The following NEBL variants were observed in gnomAD, a reference collection of about 807,000 sequenced individuals.
The protein encoded by NEBL is LIM and SH3 protein 2.
In NEBL, 122 loss-of-function variants were observed where a neutral mutation model predicts 140.2. That is an observed-to-expected ratio of 0.87 (90% CI 0.75 to 1.01). NEBL has a LOEUF of 1.01. Among genes scored for constraint, NEBL ranks in the 50% least tolerant of loss-of-function variants. The pLI is 0.00. For synonymous variants in NEBL, 436 were observed against 398.9 expected, an observed-to-expected ratio of 1.09 and a Z score of -1.11; for missense variants, 1,365 against 1,231.3, an observed-to-expected ratio of 1.11 and a Z score of -1.62.
intron 4 of NEBL, among the ~76,000 whole-genome samples, chr10:20,925,959 G>A (rs1027886287): frequency 6.6e-6 from 1 of 152,084 alleles, no homozygotes. Context: ...CTATAGGTGT[G>A]GGCCATTCGT....
chr10:21,030,495 C>T, intron 2 of NEBL: 1 of 801,138 alleles, frequency 1.2e-6, no homozygotes, highest in Admixed American at 1.8e-5. Context: ...ATGCCAGCCC[C>T]TCCACCAAAG....
chr10:21,167,626 T>G (rs1840837255), intron 2 of NEBL, among the ~76,000 whole-genome samples: 1 of 152,184 alleles, frequency 6.6e-6, no homozygotes, highest in Non-Finnish European at 1.5e-5. Flanking sequence ...TAAAAAGACA[T>G]AGTAAATGCA....
chr10:21,207,514 C>A (rs1440363576), intron 3 of NEBL, among the ~76,000 whole-genome samples: 4 of 151,996 alleles, frequency 2.6e-5, no homozygotes. Flanking sequence ...ATTGACTGTG[C>A]ACACACACAC....
chr10:20,859,082 T>C (rs1676263338), intron 8 of NEBL, among the ~76,000 whole-genome samples: 1 of 152,170 alleles, frequency 6.6e-6, no homozygotes, highest in African/African-American at 2.4e-5. Context: ...ACATAATTTT[T>C]ATACTTGAGA....
At chr10:20,876,442 C>G (rs1845509114) in intron 5 of NEBL, among the ~76,000 whole-genome samples, 1 of 152,042 alleles carries the variant, frequency 6.6e-6, no homozygotes. Context: ...TAAGTCTCAT[C>G]GGGGAACCAC....
intron 3 of NEBL, among the ~76,000 whole-genome samples, chr10:21,236,927 C>CGGAA (rs1842360849): frequency 6.6e-6 from 1 of 152,040 alleles, no homozygotes; most frequent in Non-Finnish European, 1.5e-5. Flanking sequence ...ATTATTATTC[C>CGGAA]CCCTTTATAG....
rs1835353390 is a variant in NEBL, at chr10:20,785,760, T to C, written c.3032A>G (p.Glu1011Gly). Reference sequence around the variant, plus strand: ...AGGGAGAAATAATTAATTAACAAACTCAATGTAATTCGCTGGGAGCATTCC... The same window carrying C: ...AGGGAGAAATAATTAATTAACAAACCCAATGTAATTCGCTGGGAGCATTCC... ...RTGMLPANYI[E>G]FVN Residue 1011 changes from glutamate (E) to glycine (G), a missense_variant, in exon 28 of 28, where the codon GAG (glutamate) becomes GGG (glycine). Physicochemically the swap from Glu to Gly is moderately conservative, Grantham distance 98. Coordinates refer to ENST00000377122, the MANE Select transcript of NEBL (RefSeq NM_006393.3). The C allele has an allele frequency of 6.2e-7, 1 of 1,613,740 alleles. No individual in the cohort carries two copies. Among genetic ancestry groups the C allele is most frequent in the Non-Finnish European group, 8.5e-7 (1 of 1,179,910 alleles).
intron 4 of NEBL, among the ~76,000 whole-genome samples, chr10:20,939,580 A>G (rs1199965356): frequency 1.3e-5 from 2 of 152,338 alleles, no homozygotes; most frequent in South Asian, 2.1e-4. Flanking sequence ...ATTCACACAT[A>G]ACAATATTAA....
At chr10:20,876,590 CA>C (rs1292817782) in intron 5 of NEBL, among the ~76,000 whole-genome samples, 2 of 152,100 alleles carry the variant, frequency 1.3e-5, no homozygotes, top group African/African-American at 4.8e-5. Context: ...TTGAAAAGAA[CA>C]GTAAGTCTTT....
chr10:21,013,851 C>A (rs1838450551), intron 3 of NEBL, among the ~76,000 whole-genome samples: 4 of 152,160 alleles, frequency 2.6e-5, no homozygotes, highest in Admixed American at 2.6e-4. Flanking sequence ...GCACTCCAGC[C>A]TGGCAACAGA....
intron 3 of NEBL, among the ~76,000 whole-genome samples, chr10:21,004,285 TAAAA>T (rs897874752): frequency 6.6e-6 from 1 of 151,744 alleles, no homozygotes; most frequent in African/African-American, 2.4e-5. Flanking sequence ...GCATCATTAA[TAAAA>T]AAATAAAAAT....
intron 13 of NEBL, among the ~76,000 whole-genome samples, chr10:20,836,705 G>C (rs559858022): frequency 6.6e-6 from 1 of 152,260 alleles, no homozygotes; most frequent in Non-Finnish European, 1.5e-5. Flanking sequence ...GATTCAAACT[G>C]TGAGGTGGGA....
At position 20,812,835 on chromosome 10, in the gene NEBL, C is replaced by T. The variant is rs1457665218; in HGVS notation, c.2452G>A (p.Asp818Asn). 2.5e-6 allele frequency: 4 copies of T among 1,614,002 alleles called. No individual in the cohort carries two copies. Among genetic ancestry groups the T allele is most frequent in the East Asian group, 2.2e-5 (1 of 44,842 alleles). ...RVRKNTQVVS[D>N]AAYKGVHPHI... ...GGGTGGACCCCTTTATAGGCAGCAT[C>T]GCTGACCACCTGGGTGTTCTTCCTC... is the stretch of plus-strand genomic sequence containing the variant. The change falls in exon 24 of 28, where the codon GAT becomes AAT. Residue 818 changes from aspartate to asparagine, a missense_variant. Coordinates refer to ENST00000377122, the MANE Select transcript of NEBL (RefSeq NM_006393.3).
intron 3 of NEBL, among the ~76,000 whole-genome samples, chr10:21,199,376 T>C (rs1216691577): frequency 6.6e-6 from 1 of 152,146 alleles, no homozygotes; most frequent in Non-Finnish European, 1.5e-5. Context: ...TTCTTTGGAC[T>C]CTTGAAAGAT....
rs888969396 is a variant in NEBL at position 20,784,091 on chromosome 10, T to C, written c.*1656A>G. 3 of 152,206 alleles carry C rather than the reference T, an allele frequency of 2.0e-5. No individual in the cohort carries two copies. The highest frequency in any genetic ancestry group is 4.4e-5 in the Non-Finnish European group (3 of 68,022). 9.4% of individuals were successfully genotyped at this position (152,206 alleles called of 1,614,324 possible). A position where few individuals can be genotyped will look rare whatever the true frequency, so the allele number is the denominator to read the frequency against. ...CTAGTAAACGTTTCCTTAAACGATG[T>C]TTTACAGGATGTTTTGTTAATTTCC... On this transcript the variant is annotated 3_prime_UTR_variant, in exon 28 of 28. Coordinates refer to ENST00000377122, the MANE Select transcript of NEBL (RefSeq NM_006393.3).
chr10:21,138,625 C>A (rs187125699), intron 2 of NEBL, among the ~76,000 whole-genome samples: 1 of 152,148 alleles, frequency 6.6e-6, no homozygotes, highest in East Asian at 1.9e-4. Flanking sequence ...AAAAACTATA[C>A]TCCAGGTGCT....
At chr10:20,794,077 T>C (rs978425679) in intron 26 of NEBL, among the ~76,000 whole-genome samples, 1 of 152,096 alleles carries the variant, frequency 6.6e-6, no homozygotes, top group Non-Finnish European at 1.5e-5. Context: ...CAGGAAGAAA[T>C]CCAAGTCAAG....
At chr10:20,832,716 T>C (rs1410609382) in intron 14 of NEBL, among the ~76,000 whole-genome samples, 1 of 152,230 alleles carries the variant, frequency 6.6e-6, no homozygotes, top group Non-Finnish European at 1.5e-5. Flanking sequence ...AAAGTAAATG[T>C]TGATTTGCTT....
At chr10:20,938,712 A>G (rs189718923) in intron 4 of NEBL, among the ~76,000 whole-genome samples, 21 of 152,324 alleles carry the variant, frequency 1.4e-4, no homozygotes, top group African/African-American at 5.1e-4. Flanking sequence ...CGAATGGCTA[A>G]CTAGAATAAC....
Sources: allele counts gnomAD v4.1 joint callset (sites outside exome capture counted in the v4.1 genomes callset), GRCh38; gene constraint gnomAD v4.1.1; transcripts MANE v1.5; gene names NCBI Gene and HGNC (gene_info 2026-07-23, HGNC 2026-07-21).